SLC25A28: variants seen among roughly 807,000 people sequenced by gnomAD.
SLC25A28 encodes the protein solute carrier family 25 member 28.
A neutral mutation model predicts 31.9 loss-of-function variants in SLC25A28; 10 were observed. That is an observed-to-expected ratio of 0.31 (90% CI 0.19 to 0.53). SLC25A28 has a LOEUF of 0.53. Ranked by LOEUF, SLC25A28 falls within the 20% of genes least tolerant of loss-of-function variation. The pLI, the probability that SLC25A28 is intolerant of heterozygous loss-of-function variation, is 0.95. For missense variants in SLC25A28, 256 were observed against 490.3 expected, an observed-to-expected ratio of 0.52 and a Z score of 4.51; for synonymous variants, 208 against 203.6, an observed-to-expected ratio of 1.02 and a Z score of -0.19.
chr10:99,640,619 G>T, the SLC25A28 span, among the ~76,000 whole-genome samples: 494 of 152,062 alleles, frequency 3.2e-3, 3 homozygotes, highest in African/African-American at 0.011. Flanking sequence ...ACAACGTGTA[G>T]GTTTGTTACA....
At chr10:99,617,571 T>C in intron 1 of SLC25A28, 1 of 985,440 alleles carries the variant, frequency 1.0e-6, no homozygotes, top group Non-Finnish European at 1.2e-6. Flanking sequence ...GGGAAGTCTT[T>C]TCTGAAGGAA....
At chr10:99,655,911 T>A in the SLC25A28 span, among the ~76,000 whole-genome samples, 6 of 152,184 alleles carry the variant, frequency 3.9e-5, no homozygotes, top group African/African-American at 7.2e-5. Flanking sequence ...AGAGAGAGCC[T>A]ACTTCTAGAA....
At chr10:99,622,618 C>T, upstream of SLC25A28, 1 of 984,692 alleles carries the variant, frequency 1.0e-6, no homozygotes, top group East Asian at 1.1e-4. Context: ...AGAGATAACA[C>T]TTGCCGCCAC....
At chr10:99,622,767 CTT>C (rs1320691023), upstream of SLC25A28, 1 of 932,678 alleles carries the variant, frequency 1.1e-6, no homozygotes, top group East Asian at 1.2e-4. Context: ...CCTTAGAGAA[CTT>C]TGCCATTCCA....
At chr10:99,656,680 C>A in the SLC25A28 span, among the ~76,000 whole-genome samples, 5 of 152,132 alleles carry the variant, frequency 3.3e-5, no homozygotes, top group African/African-American at 4.8e-5. Flanking sequence ...TAATATGGGA[C>A]CTGTTGGGCT....
chr10:99,618,682 C>T (rs2133357492), intron 1 of SLC25A28: 12 of 985,398 alleles, frequency 1.2e-5, no homozygotes, highest in Non-Finnish European at 1.4e-5. Context: ...GCATTTACCC[C>T]GTTTTCAATG....
chr10:99,626,375 G>A, the SLC25A28 span, among the ~76,000 whole-genome samples: 4 of 152,192 alleles, frequency 2.6e-5, no homozygotes, highest in South Asian at 6.2e-4. Flanking sequence ...ACTGTGTACA[G>A]GAAGACTTTC....
upstream of SLC25A28, chr10:99,620,790 G>A (rs1419784042): frequency 5.5e-5 from 54 of 985,352 alleles, no homozygotes; most frequent in Non-Finnish European, 6.4e-5. Context: ...GTCCCCGATT[G>A]GCTACAGAAA....
the SLC25A28 span, among the ~76,000 whole-genome samples, chr10:99,638,926 C>A: frequency 2.6e-5 from 4 of 152,196 alleles, no homozygotes; most frequent in East Asian, 7.7e-4. Context: ...ATCCAGCAAT[C>A]CCACTATTGG....
At chr10:99,642,748 C>A in the SLC25A28 span, among the ~76,000 whole-genome samples, 1 of 152,102 alleles carries the variant, frequency 6.6e-6, no homozygotes, top group Non-Finnish European at 1.5e-5. Context: ...CCATCAATAC[C>A]TAGTTTATTG....
the SLC25A28 span, among the ~76,000 whole-genome samples, chr10:99,626,465 T>G: frequency 6.6e-6 from 1 of 152,240 alleles, no homozygotes; most frequent in Non-Finnish European, 1.5e-5. Context: ...CTAAAATTCC[T>G]CTTCCTGAAA....
At chr10:99,653,677 C>T in the SLC25A28 span, 1 of 151,778 alleles carries the variant, frequency 6.6e-6, no homozygotes, top group South Asian at 2.1e-4. Flanking sequence ...TTTCTTTTTT[C>T]CTTGCCAGAG....
At chr10:99,616,513 G>C in intron 1 of SLC25A28, 1 of 985,020 alleles carries the variant, frequency 1.0e-6, no homozygotes, top group Admixed American at 6.1e-5. Context: ...TCCTGTATAA[G>C]TCATTTCACA....
At chr10:99,650,447 C>A in the SLC25A28 span, among the ~76,000 whole-genome samples, 2 of 152,122 alleles carry the variant, frequency 1.3e-5, no homozygotes. Context: ...TGTAGGAGAG[C>A]CTGGTTTCCC....
the SLC25A28 span, among the ~76,000 whole-genome samples, chr10:99,653,205 A>G: frequency 6.6e-6 from 1 of 152,166 alleles, no homozygotes; most frequent in East Asian, 1.9e-4. Flanking sequence ...TTGACTTCTG[A>G]GGCTAGGTCA....
chr10:99,656,903 A>G, the SLC25A28 span, among the ~76,000 whole-genome samples: 1 of 152,234 alleles, frequency 6.6e-6, no homozygotes, highest in Non-Finnish European at 1.5e-5. Context: ...ACTCAGCCCT[A>G]TGAGCTGTTA....
the SLC25A28 span, among the ~76,000 whole-genome samples, chr10:99,652,771 G>C: frequency 6.6e-6 from 1 of 152,070 alleles, no homozygotes; most frequent in Admixed American, 6.6e-5. Flanking sequence ...CTGAGGAGGG[G>C]CCTTTTACTT....
Position 99,610,990 on chromosome 10 carries a change from T to A in SLC25A28, c.954A>T (p.Val318=), listed in dbSNP as rs895682411. 19 of 1,614,214 alleles carry A rather than the reference T, an allele frequency of 1.2e-5. No individual in the cohort carries two copies. The highest frequency in any genetic ancestry group is 1.5e-5 in the Non-Finnish European group (18 of 1,180,022). The change falls in exon 4 of 4, where the codon GTA becomes GTT. Residue 318 remains valine, a synonymous_variant. Transcript: ENST00000370495. ...MASAFRTVYQ[V]GGVTAYFRGV... ...CTCGGAAATAGGCGGTCACCCCACC[T>A]ACTTGATATACCGTCCTGAAGGCAC... is the stretch of plus-strand genomic sequence containing the variant.
At chr10:99,629,364 A>G in the SLC25A28 span, among the ~76,000 whole-genome samples, 1 of 152,216 alleles carries the variant, frequency 6.6e-6, no homozygotes, top group Admixed American at 6.5e-5. Flanking sequence ...TATGAGCCAA[A>G]AAACCTCTTT....
Sources: gnomAD v4.1 joint callset for allele counts (sites outside exome capture counted in the v4.1 genomes callset) on GRCh38, gnomAD v4.1.1 for gene constraint, MANE v1.5 for transcripts, NCBI Gene and HGNC (gene_info 2026-07-23, HGNC 2026-07-21) for gene names.